Variants in ARHGAP24 observed in about 807,000 individuals in gnomAD.
ARHGAP24 encodes Rho GTPase activating protein 24.
In ARHGAP24, 50 loss-of-function variants were observed where a neutral mutation model predicts 76.4. That is an observed-to-expected ratio of 0.65 (90% CI 0.52 to 0.83). The LOEUF is 0.83. ARHGAP24 is among the 40% of genes least tolerant of loss of function. The pLI, the probability that ARHGAP24 is intolerant of heterozygous loss-of-function variation, is 0.00. For synonymous variants in ARHGAP24, 345 were observed against 323.3 expected (o/e 1.07, Z -0.72); for missense variants, 930 against 914.2 (o/e 1.02, Z -0.22).
At chr4:85,570,429 CTCTT>C (rs1727091073) in intron 1 of ARHGAP24, 89 bp from the exon 2 acceptor site, 1 of 589,620 alleles carries the variant, frequency 1.7e-6, no homozygotes, top group Non-Finnish European at 2.7e-6. Flanking sequence ...CTCTCTCTCT[CTCTT>C]TTTTTTTTTC....
chr4:85,693,903 G>T (rs1723770712), intron 2 of ARHGAP24, among the ~76,000 whole-genome samples: 1 of 152,156 alleles, frequency 6.6e-6, no homozygotes, highest in Non-Finnish European at 1.5e-5. Flanking sequence ...TCTCCAGGCA[G>T]ATTTGCCTCC....
chr4:85,703,556 G>A (rs1724183168), intron 2 of ARHGAP24, among the ~76,000 whole-genome samples: 1 of 152,030 alleles, frequency 6.6e-6, no homozygotes, highest in Non-Finnish European at 1.5e-5. Context: ...TGAGATTTGT[G>A]CCCTTATAAA....
At chr4:85,805,837 G>A (rs570144276) in intron 3 of ARHGAP24, among the ~76,000 whole-genome samples, 7 of 152,168 alleles carry the variant, frequency 4.6e-5, no homozygotes, top group Admixed American at 1.3e-4. Flanking sequence ...TAAACCCTTG[G>A]CAATTGTTCT....
chr4:85,479,950 A>G (rs1722746075), intron 1 of ARHGAP24, among the ~76,000 whole-genome samples: 1 of 152,198 alleles, frequency 6.6e-6, no homozygotes, highest in African/African-American at 2.4e-5. Context: ...CTTATTCAGC[A>G]TCTCTGAAAA....
At position 85,995,457 on chromosome 4, in the gene ARHGAP24, T is replaced by G. The variant is rs1740605642; in HGVS notation, c.1803T>G (p.Leu601=). The G allele has an allele frequency of 1.9e-6, 3 of 1,606,364 alleles. No individual in the cohort carries two copies. The highest frequency in any genetic ancestry group is 2.6e-6 in the Non-Finnish European group (3 of 1,175,064). Residue 601 remains leucine (L), a synonymous_variant, in exon 9 of 10, where the codon CTT becomes CTG. Transcript: ENST00000395184. The part of the protein sequence containing the change: ...PVLDGPPQDD[L]SHPRDYESKS... ...TGGATGGGCCCCCGCAGGACGACCT[T>G]TCCCACCCCAGGGACTATGAAAGCA...
At chr4:85,755,947 T>C (rs1056648303) in intron 3 of ARHGAP24, among the ~76,000 whole-genome samples, 1 of 152,144 alleles carries the variant, frequency 6.6e-6, no homozygotes, top group Non-Finnish European at 1.5e-5. Flanking sequence ...AAGTTTCTAT[T>C]CTTTTATACC....
chr4:85,817,417 C>T (rs1194288937), intron 3 of ARHGAP24, among the ~76,000 whole-genome samples: 1 of 152,054 alleles, frequency 6.6e-6, no homozygotes, highest in Admixed American at 6.6e-5. Context: ...TAATCCATTT[C>T]AAGGAATTTT....
chr4:85,694,129 T>A (rs561180946), intron 2 of ARHGAP24, among the ~76,000 whole-genome samples: 1 of 152,278 alleles, frequency 6.6e-6, no homozygotes, highest in Admixed American at 6.5e-5. Context: ...CCTAGCATTT[T>A]CGTTATGAAA....
At chr4:85,694,758 C>G (rs1723809918) in intron 2 of ARHGAP24, among the ~76,000 whole-genome samples, 1 of 152,096 alleles carries the variant, frequency 6.6e-6, no homozygotes. Flanking sequence ...GGTTAAGTTT[C>G]AGGCTACAAA....
At chr4:85,979,168 A>T (rs1247523714) in intron 8 of ARHGAP24, among the ~76,000 whole-genome samples, 3 of 152,082 alleles carry the variant, frequency 2.0e-5, no homozygotes, top group Non-Finnish European at 2.9e-5. Context: ...GCTTGGCGTG[A>T]CCTTTGATTG....
At chr4:85,947,141 T>TA (rs1430364932) in intron 5 of ARHGAP24, among the ~76,000 whole-genome samples, 3 of 152,204 alleles carry the variant, frequency 2.0e-5, no homozygotes, top group Non-Finnish European at 4.4e-5. Flanking sequence ...TTTTGAGAAG[T>TA]ATCTGTTCAT....
At chr4:85,996,683 G>A (rs1030294206) in intron 9 of ARHGAP24, among the ~76,000 whole-genome samples, 16 of 152,276 alleles carry the variant, frequency 1.1e-4, no homozygotes, top group African/African-American at 3.6e-4. Context: ...TCACTGAGTG[G>A]AATTGTGGTT....
At chr4:85,997,200 A>G (rs1740712765) in intron 9 of ARHGAP24, among the ~76,000 whole-genome samples, 1 of 152,080 alleles carries the variant, frequency 6.6e-6, no homozygotes, top group South Asian at 2.1e-4. Context: ...GTTTAGAGTT[A>G]TTCATTTTTC....
intron 2 of ARHGAP24, among the ~76,000 whole-genome samples, chr4:85,690,180 TC>T (rs1325941209): frequency 6.6e-6 from 1 of 152,196 alleles, no homozygotes; most frequent in African/African-American, 2.4e-5. Flanking sequence ...GTTGATCCAG[TC>T]TTTGTTGCGG....
intron 3 of ARHGAP24, among the ~76,000 whole-genome samples, chr4:85,855,204 G>A (rs745960862): frequency 6.6e-6 from 1 of 152,192 alleles, no homozygotes. Context: ...GACACTGTGT[G>A]TACATTAGAA....
At chr4:85,986,560 G>T (rs890327561) in intron 8 of ARHGAP24, among the ~76,000 whole-genome samples, 4 of 152,070 alleles carry the variant, frequency 2.6e-5, no homozygotes, top group Non-Finnish European at 2.9e-5. Context: ...CAAAATCCAG[G>T]TATTGCTGAG....
intron 2 of ARHGAP24, among the ~76,000 whole-genome samples, chr4:85,587,811 G>A (rs1020332031): frequency 6.6e-6 from 1 of 152,056 alleles, no homozygotes; most frequent in African/African-American, 2.4e-5. Context: ...ATATATCCCA[G>A]GTATGCTTGA....
intron 7 of ARHGAP24, among the ~76,000 whole-genome samples, chr4:85,976,175 A>G (rs1223939860): frequency 6.6e-6 from 1 of 152,244 alleles, no homozygotes; most frequent in South Asian, 2.1e-4. Flanking sequence ...CTCATGAAAG[A>G]TTTAAGCAGA....
chr4:85,702,467 A>G (rs1724131277), intron 2 of ARHGAP24, among the ~76,000 whole-genome samples: 1 of 152,186 alleles, frequency 6.6e-6, no homozygotes, highest in Non-Finnish European at 1.5e-5. Context: ...TTTGACAGCT[A>G]TTTTATAAAA....
Sources: gnomAD v4.1 joint callset for allele counts (sites outside exome capture counted in the v4.1 genomes callset) on GRCh38, gnomAD v4.1.1 for gene constraint, MANE v1.5 for transcripts, NCBI Gene and HGNC (gene_info 2026-07-23, HGNC 2026-07-21) for gene names.